MLIP: variants seen among roughly 807,000 people sequenced by gnomAD.
MLIP encodes the protein muscular LMNA-interacting protein.
Under a neutral mutation model 84.8 loss-of-function variants are expected in MLIP, and 79 were observed. The observed-to-expected ratio is 0.93, with a 90% CI of 0.78 to 1.12. MLIP has a LOEUF of 1.12. MLIP is among the 50% of genes most tolerant of loss of function. The pLI is 0.00. For synonymous variants in MLIP, 504 were observed against 463.0 expected (o/e 1.09, Z -1.14); for missense variants, 1,257 against 1,160.6 (o/e 1.08, Z -1.21).
At chr6:54,090,354 T>C (rs929314567) in intron 1 of MLIP, among the ~76,000 whole-genome samples, 1 of 152,156 alleles carries the variant, frequency 6.6e-6, no homozygotes, top group African/African-American at 2.4e-5. Flanking sequence ...GGAAGATACT[T>C]ACTTTGTTAG....
intron 11 of MLIP, chr6:54,216,335 T>A: frequency 1.0e-6 from 1 of 985,322 alleles, no homozygotes; most frequent in Non-Finnish European, 1.2e-6. Context: ...TAACTGCTCC[T>A]CCATCCTAAA....
intron 11 of MLIP, among the ~76,000 whole-genome samples, chr6:54,205,960 G>A (rs1353101690): frequency 1.3e-5 from 2 of 152,160 alleles, no homozygotes; most frequent in African/African-American, 4.8e-5. Context: ...AAAAACTGTG[G>A]TGGTGTGTTT....
At chr6:54,119,937 T>G (rs1399705662) in intron 1 of MLIP, among the ~76,000 whole-genome samples, 11 of 152,234 alleles carry the variant, frequency 7.2e-5, no homozygotes, top group Admixed American at 7.2e-4. Flanking sequence ...GAGAGCATGT[T>G]CCTTTTGTTG....
At chr6:54,258,998 T>C (rs1406761084) in intron 13 of MLIP, among the ~76,000 whole-genome samples, 1 of 148,816 alleles carries the variant, frequency 6.7e-6, no homozygotes, top group African/African-American at 2.5e-5. Flanking sequence ...CTATATGATC[T>C]AATTCTTTCT....
chr6:54,123,405 C>G (rs1286932212), intron 2 of MLIP, among the ~76,000 whole-genome samples: 3 of 151,926 alleles, frequency 2.0e-5, no homozygotes, highest in Non-Finnish European at 4.4e-5. Flanking sequence ...ACAATGAAAA[C>G]AATATCAGAG....
intron 11 of MLIP, among the ~76,000 whole-genome samples, chr6:54,214,498 CTTG>C (rs1779713419): frequency 6.6e-6 from 1 of 152,156 alleles, no homozygotes; most frequent in African/African-American, 2.4e-5. Context: ...GACTTCTGTT[CTTG>C]TTGTTTTCCT....
At chr6:54,195,922 T>C (rs1778262219) in intron 10 of MLIP, among the ~76,000 whole-genome samples, 1 of 152,168 alleles carries the variant, frequency 6.6e-6, no homozygotes, top group Non-Finnish European at 1.5e-5. Context: ...TTATTTTAAA[T>C]GAAGAAGATT....
intron 1 of MLIP, among the ~76,000 whole-genome samples, chr6:54,037,968 TTAAA>T (rs973453393): frequency 3.3e-4 from 50 of 152,066 alleles, no homozygotes; most frequent in African/African-American, 1.0e-3. Context: ...TAATATGAGA[TTAAA>T]TAACAAAATC....
intron 1 of MLIP, among the ~76,000 whole-genome samples, chr6:54,051,104 G>C (rs899687981): frequency 6.6e-6 from 1 of 151,834 alleles, no homozygotes. Context: ...TGTGTTTCTT[G>C]CTCCACTTTC....
chr6:54,037,002 G>T (rs1764483233), intron 1 of MLIP, among the ~76,000 whole-genome samples: 1 of 151,970 alleles, frequency 6.6e-6, no homozygotes, highest in African/African-American at 2.4e-5. Flanking sequence ...AAATATTCTT[G>T]CAGTATTACC....
At position 54,035,464 on chromosome 6, in the gene MLIP, C is replaced by A. The variant is rs546995155; in HGVS notation, c.63+16373C>A. 2.0e-5 allele frequency among the ~76,000 whole-genome samples: 3 copies of A among 152,102 alleles called. No individual in the cohort carries two copies. The East Asian group carries it at 5.8e-4, about 29-fold the overall frequency. The stretch of plus-strand genomic sequence containing the variant: ...TCTGTGTAAAAATGGGTTTTCATTT[C>A]TCTGGGATAAATGCTAAAAGTGTAA... On this transcript the variant is annotated intron_variant, in intron 1 of 12. Transcript: ENST00000274897.
At position 54,230,814 on chromosome 6, in the gene MLIP, A is replaced by T. The variant is rs750256300; in HGVS notation, c.2819A>T (p.His940Leu). ...CTGCTGCATCCACAGACCCTCTCAC[A>T]TGCTGACTGTCTTGCCCCAGGACCC... Reference protein sequence around the residue: ...KSLLHPQTLSHADCLAPGPFS... With the variant: ...KSLLHPQTLSLADCLAPGPFS... The change falls in exon 12 of 14, where the codon CAT (histidine) becomes CTT (leucine). Residue 940 changes from histidine to leucine, a missense_variant. His to Leu is a moderately conservative substitution (Grantham distance 99). Transcript: ENST00000502396. 6.2e-6 allele frequency: 10 copies of T among 1,613,860 alleles called. No individual in the cohort carries two copies. Among genetic ancestry groups the T allele is most frequent in the Non-Finnish European group, 8.5e-6 (10 of 1,179,970 alleles).
intron 12 of MLIP, among the ~76,000 whole-genome samples, chr6:54,252,516 T>G (rs1782706906): frequency 7.0e-6 from 1 of 142,686 alleles, no homozygotes; most frequent in Non-Finnish European, 1.5e-5. Flanking sequence ...TATTATAACA[T>G]ATAATATATA....
At chr6:54,191,910 A>T (rs1777956782) in intron 10 of MLIP, among the ~76,000 whole-genome samples, 1 of 151,828 alleles carries the variant, frequency 6.6e-6, no homozygotes, top group African/African-American at 2.4e-5. Context: ...GACTATATAT[A>T]CATGTGTAGG....
chr6:54,249,101 A>C (rs1475493669), intron 12 of MLIP, among the ~76,000 whole-genome samples: 2 of 152,102 alleles, frequency 1.3e-5, no homozygotes, highest in Non-Finnish European at 2.9e-5. Context: ...TCAGTGCAGG[A>C]GATGCCATAA....
chr6:54,213,018 C>T (rs1484487581), intron 11 of MLIP, among the ~76,000 whole-genome samples: 1 of 152,054 alleles, frequency 6.6e-6, no homozygotes, highest in Non-Finnish European at 1.5e-5. Flanking sequence ...TTTGCACTTC[C>T]CTGTTTCTGG....
chr6:54,154,325 AG>A (rs767449971), intron 5 of MLIP, among the ~76,000 whole-genome samples: 7 of 152,192 alleles, frequency 4.6e-5, no homozygotes, highest in Non-Finnish European at 1.0e-4. Context: ...ATCTTTCTTT[AG>A]GACAGAATAA....
intron 12 of MLIP, among the ~76,000 whole-genome samples, chr6:54,246,606 C>T (rs1782101573): frequency 6.6e-6 from 1 of 152,000 alleles, no homozygotes; most frequent in Non-Finnish European, 1.5e-5. Context: ...GAGATTATCT[C>T]GCTACATAAC....
intron 11 of MLIP, among the ~76,000 whole-genome samples, chr6:54,202,896 C>T (rs1778793929): frequency 6.6e-6 from 1 of 152,028 alleles, no homozygotes; most frequent in South Asian, 2.1e-4. Flanking sequence ...AAGACCCTGT[C>T]TCAAAAAATA....
Sources: gnomAD v4.1 joint callset for allele counts (sites outside exome capture counted in the v4.1 genomes callset) on GRCh38, gnomAD v4.1.1 for gene constraint, MANE v1.5 for transcripts, NCBI Gene and HGNC (gene_info 2026-07-23, HGNC 2026-07-21) for gene names.